GNAI1: variants seen among roughly 807,000 people sequenced by gnomAD.
GNAI1 encodes the protein G protein subunit alpha i1, also known as guanine nucleotide-binding protein G(i) subunit alpha-1.
In GNAI1, 11 loss-of-function variants were observed where a neutral mutation model predicts 38.9. The observed-to-expected ratio is 0.28, with a 90% confidence interval of 0.18 to 0.47. The LOEUF is 0.47. GNAI1 is among the 20% of genes least tolerant of loss of function. The pLI is 0.99. For synonymous variants in GNAI1, 166 were observed against 145.1 expected, an observed-to-expected ratio of 1.14 and a Z score of -1.04; for missense variants, 317 against 436.9, an observed-to-expected ratio of 0.73 and a Z score of 2.45.
At chr7:80,194,013 T>G (rs1788526183) in intron 3 of GNAI1, among the ~76,000 whole-genome samples, 1 of 152,142 alleles carries the variant, frequency 6.6e-6, no homozygotes, top group African/African-American at 2.4e-5. Context: ...TCCAATAACT[T>G]TGTTATTTAC....
chr7:80,199,268 A>G lies in GNAI1; in HGVS notation c.347A>G (p.Glu116Gly). The G allele has an allele frequency of 6.2e-7, 1 of 1,613,400 alleles. No homozygotes were observed. Among genetic ancestry groups the G allele is most frequent in the Non-Finnish European group, 8.5e-7 (1 of 1,179,538 alleles). Reference protein sequence around the residue: ...QLFVLAGAAEEGFMTAELAGV... With the variant: ...QLFVLAGAAEGGFMTAELAGV... ...TTTGTGCTAGCTGGAGCTGCTGAAG[A>G]AGGCTTTATGACTGCAGAACTTGCT... Residue 116 changes from glutamate to glycine, a missense_variant, in exon 4 of 8, where the codon GAA becomes GGA. Coordinates refer to ENST00000649796, the MANE Select transcript of GNAI1 (RefSeq NM_002069.6).
intron 1 of GNAI1, among the ~76,000 whole-genome samples, chr7:80,153,949 G>A (rs1406274392): frequency 6.6e-6 from 1 of 151,990 alleles, no homozygotes. Flanking sequence ...TTTTGAGACA[G>A]CCTCATTCTG....
chr7:80,212,550 T>C (rs1004916805), intron 6 of GNAI1, among the ~76,000 whole-genome samples, 166 bp from the exon 7 acceptor site: 7 of 152,218 alleles, frequency 4.6e-5, no homozygotes, highest in Admixed American at 3.3e-4. Context: ...TAGACACTTC[T>C]CTTACCTAAA....
chr7:80,181,200 A>T (rs996103505), intron 1 of GNAI1, among the ~76,000 whole-genome samples: 1 of 151,820 alleles, frequency 6.6e-6, no homozygotes, highest in African/African-American at 2.4e-5. Flanking sequence ...CAATGACACC[A>T]CTCTCATGGG....
chr7:80,169,787 A>G (rs575925245), intron 1 of GNAI1, among the ~76,000 whole-genome samples: 37 of 152,304 alleles, frequency 2.4e-4, no homozygotes, highest in Admixed American at 1.2e-3. Context: ...TGGAATATTT[A>G]TATTACCACC....
rs565234901 is a variant in GNAI1 at position 80,222,451 on chromosome 7, G to A, written c.*4958G>A. 8.9e-5 allele frequency among the ~76,000 whole-genome samples: 13 copies of A among 146,592 alleles called. No homozygotes were observed. In the South Asian group the frequency reaches 1.3e-3, roughly 15 times the overall value. Reference sequence around the variant, plus strand: ...TTCCCAGGCTGGAGCGCAATGGTGCGATCTCGGCTCACCGCAACATCCGCC... The same window carrying A: ...TTCCCAGGCTGGAGCGCAATGGTGCAATCTCGGCTCACCGCAACATCCGCC... On this transcript the variant is annotated 3_prime_UTR_variant, in exon 8 of 8. Coordinates refer to ENST00000649796, the MANE Select transcript of GNAI1 (RefSeq NM_002069.6).
intron 1 of GNAI1, among the ~76,000 whole-genome samples, chr7:80,184,251 C>T (rs927091671): frequency 6.6e-6 from 1 of 152,110 alleles, no homozygotes. Flanking sequence ...AGAGCAGGAA[C>T]AGAAGGAAGG....
chr7:80,202,659 A>G (rs975817464), intron 4 of GNAI1, among the ~76,000 whole-genome samples: 4 of 152,316 alleles, frequency 2.6e-5, no homozygotes, highest in Admixed American at 2.6e-4. Flanking sequence ...TTCTAGTATA[A>G]TTACCACATA....
At chr7:80,140,834 G>T (rs1787513006) in intron 1 of GNAI1, among the ~76,000 whole-genome samples, 1 of 152,160 alleles carries the variant, frequency 6.6e-6, no homozygotes, top group Admixed American at 6.5e-5. Flanking sequence ...GTTTCCACTG[G>T]GCTAAAGTCA....
chr7:80,158,699 A>G (rs943705650), intron 1 of GNAI1, among the ~76,000 whole-genome samples: 7 of 152,204 alleles, frequency 4.6e-5, no homozygotes, highest in Non-Finnish European at 1.0e-4. Flanking sequence ...AGTCTCAGGT[A>G]TGTCTTTAAT....
chr7:80,174,171 A>AT (rs1788143640), intron 1 of GNAI1, among the ~76,000 whole-genome samples: 3 of 152,292 alleles, frequency 2.0e-5, no homozygotes, highest in Admixed American at 6.5e-5. Context: ...TAGAGATACC[A>AT]TTTTTTTCTA....
intron 4 of GNAI1, among the ~76,000 whole-genome samples, chr7:80,202,074 T>C (rs1159224765): frequency 6.6e-6 from 1 of 152,084 alleles, no homozygotes; most frequent in Admixed American, 6.5e-5. Context: ...ATAGCAGTTT[T>C]TTTGTTGTTG....
chr7:80,206,328 A>G (rs142733072), intron 5 of GNAI1, among the ~76,000 whole-genome samples: 3 of 152,112 alleles, frequency 2.0e-5, no homozygotes, highest in Non-Finnish European at 4.4e-5. Context: ...GGTGTTGCAT[A>G]TGCTTTTTTT....
At chr7:80,139,909 ATTTTTTTT>A (rs71076501) in intron 1 of GNAI1, among the ~76,000 whole-genome samples, 20 of 121,698 alleles carry the variant, frequency 1.6e-4, no homozygotes, top group South Asian at 5.4e-4. Context: ...TTGCCCTGCA[ATTTTTTTT>A]TTTTTTTTTT....
In GNAI1 at chr7:80,199,233, A is replaced by C; in HGVS notation, c.312A>C (p.Ala104=). ...GTCCTTTGAATGTTCAGGATGATGC[A>C]CGCCAACTCTTTGTGCTAGCTGGAG... The part of the protein sequence containing the change: ...DFGDSARADD[A]RQLFVLAGAA... The change falls in exon 4 of 8, where the codon GCA becomes GCC. Residue 104 remains alanine, a synonymous_variant. Coordinates refer to ENST00000649796, the MANE Select transcript of GNAI1 (RefSeq NM_002069.6). The C allele has an allele frequency of 6.2e-7, 1 of 1,608,756 alleles. No individual in the cohort carries two copies. Among genetic ancestry groups the C allele is most frequent in the Non-Finnish European group, 8.5e-7 (1 of 1,177,090 alleles).
intron 1 of GNAI1, among the ~76,000 whole-genome samples, chr7:80,185,318 TC>T (rs1446820998): frequency 6.6e-6 from 1 of 152,216 alleles, no homozygotes; most frequent in African/African-American, 2.4e-5. Context: ...TCCTGGTTGT[TC>T]CTATAGATAG....
chr7:80,204,196 A>G (rs1165878075), intron 5 of GNAI1, among the ~76,000 whole-genome samples: 2 of 152,132 alleles, frequency 1.3e-5, no homozygotes, highest in East Asian at 3.9e-4. Context: ...AGTTTTACTG[A>G]TAGCATAAGT....
intron 1 of GNAI1, among the ~76,000 whole-genome samples, chr7:80,147,860 T>TA (rs1346864762): frequency 3.9e-5 from 6 of 152,212 alleles, no homozygotes; most frequent in Admixed American, 1.3e-4. Context: ...ATCTGGTTCT[T>TA]ATGAAACGTG....
intron 1 of GNAI1, among the ~76,000 whole-genome samples, chr7:80,162,646 A>G (rs960592337): frequency 2.0e-5 from 3 of 152,168 alleles, no homozygotes; most frequent in African/African-American, 7.2e-5. Context: ...AAATCTCTCC[A>G]CCTACGAAGA....
Sources: allele counts gnomAD v4.1 joint callset (sites outside exome capture counted in the v4.1 genomes callset), GRCh38; gene constraint gnomAD v4.1.1; transcripts MANE v1.5; gene names NCBI Gene and HGNC (gene_info 2026-07-23, HGNC 2026-07-21).